The following LEF1 variants were observed in gnomAD, a reference collection of about 807,000 sequenced individuals.
LEF1 encodes the protein lymphoid enhancer-binding factor 1.
In LEF1, 14 loss-of-function variants were observed where a neutral mutation model predicts 51.2. The observed-to-expected ratio is 0.27, with a 90% CI of 0.18 to 0.43. The LOEUF is 0.43. LEF1 is among the 20% of genes least tolerant of loss of function. The pLI, the probability that LEF1 is intolerant of heterozygous loss-of-function variation, is 1.00. For missense variants in LEF1, 386 were observed against 512.0 expected, an observed-to-expected ratio of 0.75 and a Z score of 2.37; for synonymous variants, 185 against 183.2, an observed-to-expected ratio of 1.01 and a Z score of -0.08.
Position 108,122,347 on chromosome 4 carries a change from T to G in LEF1, c.415-33090A>C, listed in dbSNP as rs78317775. Among the ~76,000 whole-genome samples, 24 of 152,346 alleles carry G rather than the reference T, an allele frequency of 1.6e-4. No individual in the cohort carries two copies. The East Asian group carries it at 4.0e-3, about 26-fold the overall frequency. ...TTATCATAGTTCCATCAGCTTATTC[T>G]GGGTTGATCATGGCGTATTTTTTTC... On this transcript the variant is annotated intron_variant, in intron 3 of 11. Transcript: ENST00000265165.
chr4:108,103,518 G>C (rs898910320), intron 3 of LEF1, among the ~76,000 whole-genome samples: 1 of 152,138 alleles, frequency 6.6e-6, no homozygotes, highest in Non-Finnish European at 1.5e-5. Flanking sequence ...CAGCTAACTA[G>C]AAATGCTCAA....
intron 3 of LEF1, 24 bp downstream of exon 3, chr4:108,163,544 T>C: frequency 6.2e-7 from 1 of 1,604,514 alleles, no homozygotes; most frequent in Non-Finnish European, 8.5e-7. Context: ...TGAACATAAT[T>C]TGCAACATCA....
At position 108,124,374 on chromosome 4, in the gene LEF1, A is replaced by T. The variant is rs1390987183; in HGVS notation, c.415-35117T>A. 4.8e-5 allele frequency among the ~76,000 whole-genome samples: 7 copies of T among 145,648 alleles called. No individual in the cohort carries two copies. The South Asian group carries it at 1.3e-3, about 28-fold the overall frequency. The stretch of plus-strand genomic sequence containing the variant: ...ATACCCCTTAAACAGATACATGAAC[A>T]TTTTTTTTTTTTTGAGATGGAATCT... On this transcript the variant is annotated intron_variant, in intron 3 of 11. Transcript: ENST00000265165.
At chr4:108,132,015 T>C (rs1742931987) in intron 3 of LEF1, among the ~76,000 whole-genome samples, 1 of 152,152 alleles carries the variant, frequency 6.6e-6, no homozygotes, top group African/African-American at 2.4e-5. Flanking sequence ...ACAATTTGGA[T>C]GAGGATCTAA....
chr4:108,148,723 T>G (rs1744144946), intron 3 of LEF1, among the ~76,000 whole-genome samples: 1 of 152,226 alleles, frequency 6.6e-6, no homozygotes, highest in Admixed American at 6.5e-5. Flanking sequence ...AAAACATTCT[T>G]TAGGATTTAT....
At chr4:108,097,375 G>A (rs1740464936) in intron 3 of LEF1, among the ~76,000 whole-genome samples, 1 of 152,170 alleles carries the variant, frequency 6.6e-6, no homozygotes, top group Non-Finnish European at 1.5e-5. Context: ...ATTTGTGAGA[G>A]CTAAAAATTA....
intron 3 of LEF1, among the ~76,000 whole-genome samples, chr4:108,091,455 A>G (rs199689642): frequency 0.01 from 472 of 46,832 alleles, 4 homozygotes; most frequent in African/African-American, 0.018. Context: ...CGGGGGGGGG[A>G]AAAAAAAGGA....
At chr4:108,091,786 T>C (rs1326863477) in intron 3 of LEF1, among the ~76,000 whole-genome samples, 1 of 152,168 alleles carries the variant, frequency 6.6e-6, no homozygotes, top group Non-Finnish European at 1.5e-5. Flanking sequence ...GGTGGGTAGA[T>C]GTGAGGATAG....
At chr4:108,144,386 C>T (rs1743865822) in intron 3 of LEF1, among the ~76,000 whole-genome samples, 2 of 152,168 alleles carry the variant, frequency 1.3e-5, no homozygotes, top group African/African-American at 4.8e-5. Flanking sequence ...AAACTGCTCT[C>T]CTGTCTTCCC....
intron 4 of LEF1, among the ~76,000 whole-genome samples, chr4:108,085,054 G>A (rs1230775733): frequency 4.6e-5 from 7 of 152,036 alleles, no homozygotes; most frequent in Middle Eastern, 3.2e-3. Flanking sequence ...AAATCGTAGC[G>A]GTCACAGACT....
At chr4:108,051,904 A>G (rs1180805978) in intron 11 of LEF1, among the ~76,000 whole-genome samples, 1 of 152,182 alleles carries the variant, frequency 6.6e-6, no homozygotes, top group East Asian at 1.9e-4. Context: ...GGTCAACAGC[A>G]CCGACCCTGG....
intron 3 of LEF1, among the ~76,000 whole-genome samples, chr4:108,093,095 C>A (rs540131024): frequency 6.6e-6 from 1 of 152,018 alleles, no homozygotes; most frequent in South Asian, 2.1e-4. Context: ...TATTTTAGTT[C>A]CTTATTTTAA....
chr4:108,112,464 C>CA (rs1741591271), intron 3 of LEF1, among the ~76,000 whole-genome samples: 1 of 152,172 alleles, frequency 6.6e-6, no homozygotes, highest in Non-Finnish European at 1.5e-5. Context: ...AGCCATGAGG[C>CA]AGTAAGAGGA....
chr4:108,123,000 T>C (rs563641522), intron 3 of LEF1, among the ~76,000 whole-genome samples: 1 of 152,390 alleles, frequency 6.6e-6, no homozygotes, highest in Admixed American at 6.5e-5. Flanking sequence ...ATATGTTGAC[T>C]TTGGCTCATG....
Position 108,168,761 on chromosome 4 carries a change from C to T in LEF1, c.-994G>A, listed in dbSNP as rs545209592. 6.6e-6 allele frequency: 1 copy of T among 152,322 alleles called. No homozygotes were observed. The highest frequency in any genetic ancestry group is 1.9e-4 in the East Asian group (1 of 5,146). The allele number at this position is 152,322 out of a possible 1,614,324, so 9.4% of individuals were successfully genotyped here. On this transcript the variant is annotated 5_prime_UTR_variant, in exon 1 of 12. Transcript: ENST00000265165. This position sits in a 1 kb window ranked among gnomAD's most constrained non-coding sequence, Gnocchi z 4.6. Reference sequence around the variant, plus strand: ...CCTCCGCCGGCCAGCTCTGTCAAAGCAAAGAGCTGCGCCCCTTGAGTTCGC... The same window carrying T: ...CCTCCGCCGGCCAGCTCTGTCAAAGTAAAGAGCTGCGCCCCTTGAGTTCGC...
At chr4:108,095,017 T>C (rs1325543804) in intron 3 of LEF1, among the ~76,000 whole-genome samples, 1 of 152,222 alleles carries the variant, frequency 6.6e-6, no homozygotes, top group Admixed American at 6.5e-5. Context: ...AACAAGGTAC[T>C]GGAAATATTT....
At chr4:108,145,319 G>GC (rs1743932752) in intron 3 of LEF1, among the ~76,000 whole-genome samples, 1 of 152,140 alleles carries the variant, frequency 6.6e-6, no homozygotes, top group African/African-American at 2.4e-5. Context: ...CCCTTTAAGA[G>GC]CTTGCATTAA....
intron 3 of LEF1, among the ~76,000 whole-genome samples, chr4:108,144,560 G>C (rs140711764): frequency 2.0e-5 from 3 of 152,122 alleles, no homozygotes; most frequent in African/African-American, 7.2e-5. Context: ...CTTTTCAAGC[G>C]GTTTCATCAC....
chr4:108,073,438 G>A lies in LEF1; in HGVS notation c.1009-2668C>T, dbSNP rs1470844413. ...ACAATTAGCTTTAGTGCTAAATAAG[G>A]ATGATTGGCAAGAGGCAAAGTTTTA... On this transcript the variant is annotated intron_variant, in intron 8 of 11. Coordinates refer to ENST00000265165, the MANE Select transcript of LEF1 (RefSeq NM_016269.5). Among the ~76,000 whole-genome samples the A allele has an allele frequency of 3.3e-5, 5 of 152,234 alleles. No homozygotes were observed. The South Asian group carries it at 8.3e-4, about 25-fold the overall frequency.
Sources: allele counts gnomAD v4.1 joint callset (sites outside exome capture counted in the v4.1 genomes callset), GRCh38; gene constraint gnomAD v4.1.1; non-coding constraint Gnocchi (gnomAD v3.1); transcripts MANE v1.5; gene names NCBI Gene and HGNC (gene_info 2026-07-23, HGNC 2026-07-21).